Variants in UPF1 observed in about 807,000 individuals in gnomAD.
UPF1 encodes regulator of nonsense transcripts 1.
In UPF1, 9 loss-of-function variants were observed where a neutral mutation model predicts 129.2. The ratio of observed to expected loss-of-function variants is 0.07; its 90% confidence interval spans 0.04 to 0.12. UPF1 has a LOEUF of 0.12. UPF1 is among the 10% of genes least tolerant of loss of function. The probability of loss-of-function intolerance (pLI) is 1.00; values close to 1 mark genes in which losing one functional copy is unlikely to be tolerated. For synonymous variants in UPF1, 649 were observed against 644.9 expected (o/e 1.01, Z -0.10); for missense variants, 788 against 1,525.3 (o/e 0.52, Z 8.05).
At chr19:18,841,350 ACC>A (rs2055539043) in intron 1 of UPF1, among the ~76,000 whole-genome samples, 5 of 151,780 alleles carry the variant, frequency 3.3e-5, no homozygotes, top group Admixed American at 3.3e-4. Flanking sequence ...AGCCATTTTG[ACC>A]TGCAGTATGT....
chr19:18,854,050 C>T (rs567832617), intron 8 of UPF1, among the ~76,000 whole-genome samples: 3 of 152,266 alleles, frequency 2.0e-5, no homozygotes, highest in South Asian at 4.1e-4. Context: ...TTTTGGGGCT[C>T]GGGGTCGAGG....
chr19:18,843,646 G>T (rs1422203491), intron 1 of UPF1, among the ~76,000 whole-genome samples: 1 of 151,014 alleles, frequency 6.6e-6, no homozygotes, highest in Non-Finnish European at 1.5e-5. Context: ...GGGATTACAG[G>T]TGCGCATCAC....
chr19:18,842,960 G>A lies in UPF1; in HGVS notation c.232-3020G>A, dbSNP rs549252005. On this transcript the variant is annotated intron_variant, in intron 1 of 23. Coordinates refer to ENST00000262803, the MANE Select transcript of UPF1 (RefSeq NM_002911.4). ...CGAGATCGCGCCATTGCACTCCAGC[G>A]TAGGCAACGAGAGTGAAACTCCGTC... Among the ~76,000 whole-genome samples, 32 of 151,712 alleles carry A rather than the reference G, an allele frequency of 2.1e-4. 1 individual carries two copies. The highest frequency in any genetic ancestry group is 1.5e-3 in the Admixed American group (23 of 15,234).
At chr19:18,849,138 A>G (rs1310722046) in intron 3 of UPF1, 2 of 152,386 alleles carry the variant, frequency 1.3e-5, no homozygotes, top group Non-Finnish European at 2.9e-5. Flanking sequence ...GCAGGGCTCC[A>G]GAGTGGAGTC....
intron 15 of UPF1, among the ~76,000 whole-genome samples, chr19:18,857,957 T>G (rs2055736785): frequency 6.6e-6 from 1 of 152,186 alleles, no homozygotes. Flanking sequence ...CACCTGCCCT[T>G]TTTCACTCTG....
chr19:18,852,437 C>T (rs977864699), intron 6 of UPF1, 141 bp downstream of exon 6: 29 of 1,260,456 alleles, frequency 2.3e-5, no homozygotes, highest in Middle Eastern at 2.6e-4. Context: ...TTGGAACTTG[C>T]GGATCCGGGC....
At chr19:18,864,316 A>T in intron 20 of UPF1, 65 bp downstream of exon 20, 2 of 1,464,450 alleles carry the variant, frequency 1.4e-6, no homozygotes, top group South Asian at 2.3e-5. Context: ...GGCCGTTCCC[A>T]TGGCTGCAGC....
In UPF1 at chr19:18,831,967, C is replaced by CTCTA; in HGVS notation, c.-242_-239dup. The CTCTA allele has an allele frequency of 3.8e-6, 1 of 262,818 alleles. No individual in the cohort carries two copies. Among genetic ancestry groups the CTCTA allele is most frequent in the Non-Finnish European group, 7.1e-6 (1 of 140,492 alleles). The allele number at this position is 262,818 out of a possible 1,614,324, so 16.3% of individuals were successfully genotyped here. ...ACGGCGGCGGTGGCGGCAGTTCCTG[C>CTCTA]TCTAGGCTGCGAGCGGCTGGCGGCT... is the stretch of plus-strand genomic sequence containing the variant. On this transcript the variant is annotated 5_prime_UTR_variant, in exon 1 of 24. Coordinates refer to ENST00000262803, the MANE Select transcript of UPF1 (RefSeq NM_002911.4).
At chr19:18,843,286 G>A (rs971313850) in intron 1 of UPF1, among the ~76,000 whole-genome samples, 18 of 152,188 alleles carry the variant, frequency 1.2e-4, no homozygotes, top group African/African-American at 4.1e-4. Context: ...AATGCCCCAC[G>A]GGGGCCTTGA....
At position 18,853,079 on chromosome 19, in the gene UPF1, G is replaced by A. The variant is rs1279791147; in HGVS notation, c.1057+8G>A. 6.2e-7 allele frequency: 1 copy of A among 1,613,978 alleles called. No individual in the cohort carries two copies. Among genetic ancestry groups the A allele is most frequent in the South Asian group, 1.1e-5 (1 of 91,072 alleles). On this transcript the variant is annotated splice_region_variant and intron_variant, in intron 7 of 23. Transcript: ENST00000262803. This position sits in a 1 kb window ranked among gnomAD's most constrained non-coding sequence, Gnocchi z 4.4. ...TGCCCAAGACTGACTCTGGTAATGA[G>A]GATTTAGTCATAATTTGGTTAAGAG...
At chr19:18,856,160 C>T in intron 12 of UPF1, 26 bp from the exon 13 acceptor site, 1 of 1,603,940 alleles carries the variant, frequency 6.2e-7, no homozygotes, top group Admixed American at 1.7e-5. Flanking sequence ...AACTCAGGCA[C>T]CCTGCTGACC....
chr19:18,833,301 C>G (rs1336011624), intron 1 of UPF1: 2 of 152,182 alleles, frequency 1.3e-5, no homozygotes, highest in East Asian at 1.9e-4. Context: ...TTTGTTTTTT[C>G]TTGCATCGCC....
In UPF1 at chr19:18,847,280, G is replaced by T. The variant is rs192910364; in HGVS notation, c.372-464G>T. On this transcript the variant is annotated intron_variant, in intron 2 of 23. Transcript: ENST00000262803. ...TTTTCAGAAAACCACAGCCAGTGGT[G>T]GGGTGAGGCTCTCCCGAGGCTCCTC... is the stretch of plus-strand genomic sequence containing the variant. 4.8e-4 allele frequency among the ~76,000 whole-genome samples: 73 copies of T among 152,322 alleles called. No individual in the cohort carries two copies. In the East Asian group the frequency reaches 0.013, roughly 27 times the overall value.
At position 18,847,728 on chromosome 19, in the gene UPF1, T is replaced by C; in HGVS notation, c.372-16T>C. 1 of 1,611,374 alleles carries C rather than the reference T, an allele frequency of 6.2e-7. No homozygotes were observed. The highest frequency in any genetic ancestry group is 8.5e-7 in the Non-Finnish European group (1 of 1,177,540). ...GCAAGCTTCCAGCTGTAACTGTCGC[T>C]GTTTTGATTTTTTAGTTACTGTGGA... On this transcript the variant is annotated splice_polypyrimidine_tract_variant and intron_variant, in intron 2 of 23. Transcript: ENST00000262803.
At chr19:18,840,235 T>C (rs1239769556) in intron 1 of UPF1, among the ~76,000 whole-genome samples, 17 of 151,938 alleles carry the variant, frequency 1.1e-4, no homozygotes, top group Admixed American at 1.1e-3. Context: ...TGTACATGTG[T>C]GTATGCATGA....
intron 11 of UPF1, 160 bp from the exon 12 acceptor site, chr19:18,855,765 T>C (rs2055710326): frequency 5.9e-6 from 6 of 1,025,606 alleles, no homozygotes; most frequent in African/African-American, 1.6e-5. Context: ...GGAGGATTGC[T>C]TGAGCCCAGG....
intron 1 of UPF1, among the ~76,000 whole-genome samples, chr19:18,838,386 C>G (rs976010212): frequency 1.3e-5 from 2 of 152,066 alleles, no homozygotes; most frequent in Non-Finnish European, 2.9e-5. Flanking sequence ...TGGTGGCTCA[C>G]GCCTGTAATC....
Position 18,855,946 on chromosome 19 carries a change from G to T in UPF1, c.1566G>T (p.Pro522=). 6.2e-7 allele frequency: 1 copy of T among 1,613,842 alleles called. No individual in the cohort carries two copies. Among genetic ancestry groups the T allele is most frequent in the South Asian group, 1.1e-5 (1 of 91,068 alleles). The change falls in exon 12 of 24, where the codon CCG becomes CCT. Residue 522 remains proline (P), a synonymous_variant. Transcript: ENST00000262803. ...QGNGPVLVCA[P]SNIAVDQLTE... is the part of the protein sequence containing the mutation. ...GCAGGCCGGTGCTGGTGTGTGCTCC[G>T]AGCAACATCGCCGTGGACCAGCTAA...
chr19:18,864,954 G>A (rs886720094), intron 20 of UPF1, among the ~76,000 whole-genome samples: 8 of 152,228 alleles, frequency 5.3e-5, no homozygotes, highest in African/African-American at 1.9e-4. Context: ...GGCCTGGCTG[G>A]TCTCAAACTC....
Sources: gnomAD v4.1 joint callset for allele counts (sites outside exome capture counted in the v4.1 genomes callset) on GRCh38, gnomAD v4.1.1 for gene constraint, Gnocchi (gnomAD v3.1) non-coding constraint, MANE v1.5 for transcripts, NCBI Gene and HGNC (gene_info 2026-07-23, HGNC 2026-07-21) for gene names.